The following KCNIP4 variants were observed in gnomAD, a reference collection of about 807,000 sequenced individuals.
The protein encoded by KCNIP4 is potassium voltage-gated channel interacting protein 4, also known as Kv channel-interacting protein 4.
KCNIP4 carries 12 observed loss-of-function variants against 34.0 expected under a neutral mutation model. That is an observed-to-expected ratio of 0.35 (90% CI 0.23 to 0.57). The LOEUF (loss-of-function observed/expected upper bound fraction) is 0.57, where lower values mean the gene tolerates loss of function less well. Ranked by LOEUF, KCNIP4 falls within the 20% of genes least tolerant of loss-of-function variation. KCNIP4 has a pLI of 0.83. For synonymous variants in KCNIP4, 124 were observed against 102.2 expected (o/e 1.21, Z -1.29); for missense variants, 238 against 311.7 (o/e 0.76, Z 1.78).
intron 1 of KCNIP4, among the ~76,000 whole-genome samples, chr4:21,820,223 AATT>A (rs951680980): frequency 4.5e-4 from 67 of 148,958 alleles, no homozygotes; most frequent in African/African-American, 1.5e-3. Flanking sequence ...CAGTATAATA[AATT>A]ATTTTAAATG....
intron 1 of KCNIP4, among the ~76,000 whole-genome samples, chr4:21,409,254 G>A (rs1724275150): frequency 6.7e-6 from 1 of 150,350 alleles, no homozygotes; most frequent in South Asian, 2.2e-4. Flanking sequence ...CTACAGGTGT[G>A]TGCCACCGTA....
intron 1 of KCNIP4, among the ~76,000 whole-genome samples, chr4:21,477,241 T>C (rs1731060921): frequency 6.6e-6 from 1 of 152,166 alleles, no homozygotes. Flanking sequence ...TTGGCTAAAC[T>C]TTATGCAGCT....
At chr4:21,110,607 G>A (rs763614614) in intron 1 of KCNIP4, among the ~76,000 whole-genome samples, 2 of 152,114 alleles carry the variant, frequency 1.3e-5, no homozygotes, top group South Asian at 2.1e-4. Context: ...TTCCTCCAAC[G>A]TTTTTGTTGT....
At position 20,985,724 on chromosome 4, in the gene KCNIP4, C is replaced by G. The variant is rs146989037; in HGVS notation, c.62-103015G>C. 2.0e-5 allele frequency among the ~76,000 whole-genome samples: 3 copies of G among 152,228 alleles called. No individual in the cohort carries two copies. In the East Asian group the frequency reaches 5.8e-4, roughly 29 times the overall value. On this transcript the variant is annotated intron_variant, in intron 1 of 8. Transcript: ENST00000382152. ...ACCAATAAATACACCAACACTTGAA[C>G]AGATGTCTGCGCGGTACAGTGGGAA...
chr4:21,056,503 A>C (rs1743418674), intron 1 of KCNIP4, among the ~76,000 whole-genome samples: 1 of 152,072 alleles, frequency 6.6e-6, no homozygotes. Context: ...TGTTATTTTC[A>C]CATGTTCATG....
chr4:21,104,197 T>C (rs1466988285), intron 1 of KCNIP4, among the ~76,000 whole-genome samples: 2 of 151,748 alleles, frequency 1.3e-5, no homozygotes, highest in African/African-American at 2.4e-5. Context: ...TGAACTAGTT[T>C]ACAGTCCCAC....
intron 1 of KCNIP4, among the ~76,000 whole-genome samples, chr4:21,210,521 G>A (rs1485671625): frequency 2.0e-5 from 3 of 152,114 alleles, no homozygotes; most frequent in Non-Finnish European, 4.4e-5. Context: ...TCCTTTTAAA[G>A]TTAAATTATT....
chr4:21,820,281 GTGTGTATATATATA>G (rs1355189689), intron 1 of KCNIP4, among the ~76,000 whole-genome samples: 1 of 17,910 alleles, frequency 5.6e-5, no homozygotes, highest in Non-Finnish European at 1.3e-4. Flanking sequence ...GTATGTGTGT[GTGTGTATATATATA>G]TATATATATA....
intron 1 of KCNIP4, among the ~76,000 whole-genome samples, chr4:21,550,873 A>T (rs1738529418): frequency 6.6e-6 from 1 of 152,094 alleles, no homozygotes; most frequent in African/African-American, 2.4e-5. Flanking sequence ...CCAGCATGAC[A>T]CAGTGCCATG....
At chr4:21,904,491 A>G (rs1302901902) in intron 1 of KCNIP4, among the ~76,000 whole-genome samples, 1 of 152,188 alleles carries the variant, frequency 6.6e-6, no homozygotes, top group Non-Finnish European at 1.5e-5. Context: ...GTCAGTTGGC[A>G]TACATTTTCA....
chr4:21,753,768 C>T (rs1717316302), intron 1 of KCNIP4, among the ~76,000 whole-genome samples: 1 of 152,152 alleles, frequency 6.6e-6, no homozygotes, highest in Non-Finnish European at 1.5e-5. Context: ...TTTATTGAAG[C>T]ATCATGCCTT....
chr4:21,766,369 T>C (rs115725286), intron 1 of KCNIP4, among the ~76,000 whole-genome samples: 110 of 152,210 alleles, frequency 7.2e-4, no homozygotes, highest in African/African-American at 2.6e-3. Context: ...GTTCAAATAA[T>C]TTGCACAAGG....
intron 1 of KCNIP4, among the ~76,000 whole-genome samples, chr4:21,329,139 G>A (rs2109319440): frequency 6.6e-6 from 1 of 152,320 alleles, no homozygotes; most frequent in Middle Eastern, 3.4e-3. Context: ...TAAGTGCTAA[G>A]TCTGTGTAAA....
chr4:21,081,601 T>C (rs6839939), intron 1 of KCNIP4, among the ~76,000 whole-genome samples: 76,965 of 151,550 alleles, frequency 0.51, 21,307 homozygotes, highest in African/African-American at 0.74. Context: ...CATTTATTTA[T>C]TGGCTCTGAT....
intron 2 of KCNIP4, among the ~76,000 whole-genome samples, chr4:20,856,963 C>T (rs754681305): frequency 6.7e-6 from 1 of 150,270 alleles, no homozygotes; most frequent in East Asian, 2.0e-4. Flanking sequence ...TCTGCAGATG[C>T]AAAGTCTGAG....
chr4:21,691,771 C>G (rs1043194152), intron 1 of KCNIP4, among the ~76,000 whole-genome samples: 1 of 141,704 alleles, frequency 7.1e-6, no homozygotes, highest in Non-Finnish European at 1.5e-5. Flanking sequence ...GCCATCTTGG[C>G]CACTGCAACC....
intron 1 of KCNIP4, among the ~76,000 whole-genome samples, chr4:21,256,122 A>T (rs1215245159): frequency 6.6e-6 from 1 of 152,206 alleles, no homozygotes; most frequent in African/African-American, 2.4e-5. Context: ...GGGGTAAGAA[A>T]CTACTTCTAT....
chr4:21,533,275 T>C (rs967536862), intron 1 of KCNIP4, among the ~76,000 whole-genome samples: 2 of 152,136 alleles, frequency 1.3e-5, no homozygotes, highest in African/African-American at 4.8e-5. Context: ...ATTGTATGTA[T>C]TTCAGGTATA....
At chr4:20,788,762 G>A (rs1266881145) in intron 3 of KCNIP4, among the ~76,000 whole-genome samples, 1 of 152,098 alleles carries the variant, frequency 6.6e-6, no homozygotes, top group Non-Finnish European at 1.5e-5. Context: ...ATACCCCAAA[G>A]AATTCAGTAT....
Sources: gnomAD v4.1 joint callset for allele counts (sites outside exome capture counted in the v4.1 genomes callset) on GRCh38, gnomAD v4.1.1 for gene constraint, MANE v1.5 for transcripts, NCBI Gene and HGNC (gene_info 2026-07-23, HGNC 2026-07-21) for gene names.